The following SOX6 variants were observed in gnomAD, a reference collection of about 807,000 sequenced individuals.
SOX6 encodes SRY-box transcription factor 6, also known as transcription factor SOX-6.
In SOX6, 11 loss-of-function variants were observed where a neutral mutation model predicts 97.8. That is an observed-to-expected ratio of 0.11 (90% CI 0.07 to 0.19). The LOEUF (loss-of-function observed/expected upper bound fraction) is 0.19. Ranked by LOEUF, SOX6 falls within the 10% of genes least tolerant of loss-of-function variation. SOX6 has a pLI of 1.00. For missense variants in SOX6, 810 were observed against 1,039.5 expected (o/e 0.78, Z 3.04); for synonymous variants, 360 against 371.4 (o/e 0.97, Z 0.35).
At chr11:16,643,908 C>T (rs999140222) in intron 3 of SOX6, among the ~76,000 whole-genome samples, 5 of 152,220 alleles carry the variant, frequency 3.3e-5, no homozygotes, top group Admixed American at 3.3e-4. Flanking sequence ...GTGCACTGCA[C>T]CCACTGTCCT....
intron 2 of SOX6, among the ~76,000 whole-genome samples, chr11:16,320,910 T>C (rs1193651026): frequency 6.6e-6 from 1 of 152,054 alleles, no homozygotes; most frequent in Non-Finnish European, 1.5e-5. Flanking sequence ...ATAAAATAAA[T>C]GGGGCAGGGC....
At chr11:16,287,056 C>T (rs1394358663) in intron 3 of SOX6, among the ~76,000 whole-genome samples, 2 of 151,728 alleles carry the variant, frequency 1.3e-5, no homozygotes, top group Admixed American at 6.6e-5. Flanking sequence ...AACATGAAAA[C>T]ACAAATATAC....
chr11:16,081,844 A>T (rs1403020459), intron 9 of SOX6, among the ~76,000 whole-genome samples: 1 of 152,208 alleles, frequency 6.6e-6, no homozygotes, highest in Admixed American at 6.5e-5. Flanking sequence ...TTTGTCAAAT[A>T]ACATATCTCA....
chr11:16,540,453 G>A (rs1439066930), intron 4 of SOX6, among the ~76,000 whole-genome samples: 1 of 152,040 alleles, frequency 6.6e-6, no homozygotes, highest in Non-Finnish European at 1.5e-5. Flanking sequence ...TCAACATAGT[G>A]TTGGAAGTTC....
chr11:16,237,277 T>G (rs890387183), intron 3 of SOX6, among the ~76,000 whole-genome samples: 3 of 152,004 alleles, frequency 2.0e-5, no homozygotes, highest in African/African-American at 7.2e-5. Flanking sequence ...TAGGATGATA[T>G]TTTTTCTCAG....
chr11:16,409,644 G>A (rs537882432), intron 1 of SOX6, among the ~76,000 whole-genome samples: 5 of 151,854 alleles, frequency 3.3e-5, no homozygotes, highest in South Asian at 4.2e-4. Context: ...GTTTTGTCAC[G>A]GTTATCCTAA....
intron 3 of SOX6, among the ~76,000 whole-genome samples, chr11:16,632,096 G>C (rs920597503): frequency 6.6e-6 from 1 of 152,136 alleles, no homozygotes; most frequent in Non-Finnish European, 1.5e-5. Context: ...ATTTTGGTTA[G>C]GGTCCATTGC....
chr11:16,360,978 G>T (rs969195913), upstream of SOX6, among the ~76,000 whole-genome samples: 1 of 150,112 alleles, frequency 6.7e-6, no homozygotes, highest in Non-Finnish European at 1.5e-5. Flanking sequence ...ACTCCAGTCT[G>T]GGCAAAAGAG....
rs1564972160 is a variant in SOX6 at position 16,132,385 on chromosome 11, AGAAAGAAAGAAAGAAAAAAGAAAG to A, written c.778-20486_778-20463del. Among the ~76,000 whole-genome samples, 47 of 96,502 alleles carry A rather than the reference AGAAAGAAAGAAAGAAAAAAGAAAG, an allele frequency of 4.9e-4. 1 individual carries two copies. Among genetic ancestry groups the A allele is most frequent in the East Asian group, 2.2e-3 (5 of 2,262 alleles). 63.3% of individuals were successfully genotyped at this position (96,502 alleles called of 152,430 possible). On this transcript the variant is annotated intron_variant, in intron 6 of 15. Coordinates refer to ENST00000683767, the MANE Select transcript of SOX6 (RefSeq NM_001367873.1). The stretch of plus-strand genomic sequence containing the variant: ...AAGAAAGAAAGAAAGAAAGAAAGAA[AGAAAGAAAGAAAGAAAAAAGAAAG>A]AAAGAAAGAAAGAAAGAAAGAAAGA...
intron 7 of SOX6, among the ~76,000 whole-genome samples, chr11:16,102,211 G>A (rs4506613): frequency 2.6e-5 from 4 of 151,510 alleles, no homozygotes; most frequent in South Asian, 2.1e-4. Flanking sequence ...TGTACACAAC[G>A]TAGTGGCTCT....
intron 6 of SOX6, among the ~76,000 whole-genome samples, chr11:16,116,434 T>A (rs992411184): frequency 1.3e-5 from 2 of 152,214 alleles, no homozygotes; most frequent in South Asian, 4.1e-4. Flanking sequence ...AAGTTCATAC[T>A]TTTAATATCA....
chr11:16,403,472 C>G (rs1274850285), intron 1 of SOX6, among the ~76,000 whole-genome samples: 1 of 151,600 alleles, frequency 6.6e-6, no homozygotes, highest in African/African-American at 2.4e-5. Flanking sequence ...ACATAAAAGG[C>G]GATTGTCTGG....
intron 13 of SOX6, among the ~76,000 whole-genome samples, chr11:16,001,981 A>C (rs1313665189): frequency 6.6e-6 from 1 of 152,154 alleles, no homozygotes; most frequent in Non-Finnish European, 1.5e-5. Flanking sequence ...GGGCTTTATT[A>C]TTGCAACATC....
At chr11:16,197,727 T>C (rs1446535040) in intron 4 of SOX6, among the ~76,000 whole-genome samples, 1 of 152,174 alleles carries the variant, frequency 6.6e-6, no homozygotes, top group African/African-American at 2.4e-5. Context: ...ATGTTTCCTA[T>C]GTAGCATTCA....
upstream of SOX6, among the ~76,000 whole-genome samples, chr11:16,357,223 T>C (rs1565110184): frequency 1.3e-5 from 2 of 152,158 alleles, no homozygotes; most frequent in Non-Finnish European, 2.9e-5. Flanking sequence ...CACAGTGCAC[T>C]ACTTTCTCCA....
intron 2 of SOX6, among the ~76,000 whole-genome samples, chr11:16,735,061 A>G (rs991681506): frequency 6.6e-6 from 1 of 152,170 alleles, no homozygotes; most frequent in African/African-American, 2.4e-5. Context: ...GAAGTTTTTG[A>G]GCAGTAGAAT....
At chr11:16,591,203 T>C (rs1329512442) in intron 4 of SOX6, among the ~76,000 whole-genome samples, 1 of 152,102 alleles carries the variant, frequency 6.6e-6, no homozygotes, top group African/African-American at 2.4e-5. Flanking sequence ...TATATTATGG[T>C]AGTTTCCAAA....
chr11:16,583,618 T>TATATATATATACACACACATAC (rs777859840), intron 4 of SOX6, among the ~76,000 whole-genome samples: 1 of 126,012 alleles, frequency 7.9e-6, no homozygotes, highest in East Asian at 2.2e-4. Flanking sequence ...TATATACATA[T>TATATATATATACACACACATAC]ATATATATAT....
chr11:16,061,032 A>C (rs1336439906), intron 9 of SOX6, among the ~76,000 whole-genome samples: 1 of 151,862 alleles, frequency 6.6e-6, no homozygotes, highest in Non-Finnish European at 1.5e-5. Flanking sequence ...TCTATAAATG[A>C]GGCAACACAA....
Sources: allele counts gnomAD v4.1 joint callset (sites outside exome capture counted in the v4.1 genomes callset), GRCh38; gene constraint gnomAD v4.1.1; transcripts MANE v1.5; gene names NCBI Gene and HGNC (gene_info 2026-07-23, HGNC 2026-07-21).